The following PKNOX1 variants were observed in gnomAD, a reference collection of about 807,000 sequenced individuals.
The protein encoded by PKNOX1 is PBX/knotted 1 homeobox 1.
PKNOX1 carries 15 observed loss-of-function variants against 51.9 expected under a neutral mutation model. That is an observed-to-expected ratio of 0.29 (90% confidence interval 0.19 to 0.45). The LOEUF (loss-of-function observed/expected upper bound fraction) is 0.45. Ranked by LOEUF, PKNOX1 falls within the 20% of genes least tolerant of loss-of-function variation. The probability of loss-of-function intolerance (pLI) is 1.00; values close to 1 mark genes in which losing one functional copy is unlikely to be tolerated. For synonymous variants in PKNOX1, 219 were observed against 211.1 expected, an observed-to-expected ratio of 1.04 and a Z score of -0.32; for missense variants, 462 against 547.5, an observed-to-expected ratio of 0.84 and a Z score of 1.56.
At chr21:43,025,615 AG>A (rs1419393128) in intron 9 of PKNOX1, among the ~76,000 whole-genome samples, 2 of 152,174 alleles carry the variant, frequency 1.3e-5, no homozygotes, top group African/African-American at 4.8e-5. Flanking sequence ...GCGTGTTCCT[AG>A]GTGGCACTGA....
intron 10 of PKNOX1, among the ~76,000 whole-genome samples, 169 bp from the exon 11 acceptor site, chr21:43,029,721 G>A (rs1335812888): frequency 6.6e-6 from 1 of 152,098 alleles, no homozygotes; most frequent in South Asian, 2.1e-4. Context: ...ATGAGCTACC[G>A]CGCCCGGCCC....
intron 1 of PKNOX1, among the ~76,000 whole-genome samples, chr21:42,993,521 C>CT (rs34451305): frequency 0.041 from 5,824 of 142,282 alleles, 140 homozygotes; most frequent in Middle Eastern, 0.062. Context: ...AATTCTAAAA[C>CT]TTTTTTTTTT....
At position 42,989,006 on chromosome 21, in the gene PKNOX1, C is replaced by T. The variant is rs182593553; in HGVS notation, c.-57+14342C>T. Among the ~76,000 whole-genome samples, 147 of 151,408 alleles carry T rather than the reference C, an allele frequency of 9.7e-4. 2 individuals are homozygous for T. The highest frequency in any genetic ancestry group is 3.3e-3 in the African/African-American group (138 of 41,196). On this transcript the variant is annotated intron_variant, in intron 1 of 10. Transcript: ENST00000291547. Reference sequence around the variant, plus strand: ...TTGACTTCTCAGGCTGGGGACCCTGCGGGCTGGATGAGGACCCCCTCACTG... The same window carrying T: ...TTGACTTCTCAGGCTGGGGACCCTGTGGGCTGGATGAGGACCCCCTCACTG...
At chr21:42,980,239 G>A (rs1306065474) in intron 1 of PKNOX1, among the ~76,000 whole-genome samples, 1 of 152,094 alleles carries the variant, frequency 6.6e-6, no homozygotes, top group East Asian at 1.9e-4. Context: ...TGGGTGTGGT[G>A]GCAGGAGCCT....
Position 43,032,187 on chromosome 21 carries a change from C to T in PKNOX1, c.*2086C>T, listed in dbSNP as rs1015951107. ...GAATGACATCTTAAAGCCACCATTG[C>T]GTTCCTCATTTGTGAACTGTCTTCT... On this transcript the variant is annotated 3_prime_UTR_variant, in exon 11 of 11. Coordinates refer to ENST00000291547, the MANE Select transcript of PKNOX1 (RefSeq NM_004571.5). 11 of 456,016 alleles carry T rather than the reference C, an allele frequency of 2.4e-5. No homozygotes were observed. The highest frequency in any genetic ancestry group is 1.1e-4 in the South Asian group (7 of 64,562). The allele number at this position is 456,016 out of a possible 1,614,324, so 28.2% of individuals were successfully genotyped here. A position where few individuals can be genotyped will look rare whatever the true frequency, so the allele number is the denominator to read the frequency against.
chr21:43,011,420 C>T (rs1163475609), intron 4 of PKNOX1, among the ~76,000 whole-genome samples: 2 of 152,158 alleles, frequency 1.3e-5, no homozygotes, highest in Non-Finnish European at 2.9e-5. Flanking sequence ...CCCCCAGGGC[C>T]AGGGCTCCAA....
intron 1 of PKNOX1, among the ~76,000 whole-genome samples, chr21:42,976,381 C>T (rs1229866837): frequency 2.6e-5 from 4 of 152,168 alleles, no homozygotes; most frequent in African/African-American, 9.7e-5. Context: ...GCTGACTGAT[C>T]AGGGTGGTGG....
chr21:43,025,963 TA>T (rs531675132), intron 9 of PKNOX1, among the ~76,000 whole-genome samples: 67 of 152,232 alleles, frequency 4.4e-4, no homozygotes, highest in Non-Finnish European at 9.3e-4. Context: ...TATTTCCTGT[TA>T]AATCTTTTAA....
chr21:42,977,124 T>C (rs13050121), intron 1 of PKNOX1, among the ~76,000 whole-genome samples: 5,785 of 152,188 alleles, frequency 0.038, 140 homozygotes, highest in Middle Eastern at 0.061. Context: ...CAACAGTGGG[T>C]TTAAAATATT....
At chr21:42,982,731 C>CAAAA (rs10658050) in intron 1 of PKNOX1, among the ~76,000 whole-genome samples, 22 of 129,862 alleles carry the variant, frequency 1.7e-4, no homozygotes, top group African/African-American at 6.2e-4. Flanking sequence ...AACTCCATCT[C>CAAAA]AAAAAAAAAA....
chr21:42,988,721 C>G (rs142127742), intron 1 of PKNOX1, among the ~76,000 whole-genome samples: 54 of 152,232 alleles, frequency 3.5e-4, no homozygotes, highest in African/African-American at 1.2e-3. Flanking sequence ...TGCTGATCCC[C>G]CAGGCCACTG....
intron 1 of PKNOX1, among the ~76,000 whole-genome samples, chr21:42,980,138 C>T (rs929034183): frequency 4.6e-5 from 7 of 152,210 alleles, no homozygotes; most frequent in South Asian, 2.1e-4. Context: ...TTTGGGAGGC[C>T]GAGGTGGGTG....
rs1273197307 is a variant in PKNOX1, at chr21:43,030,060, A to G, written c.1270A>G (p.Ile424Val). ...TGCGGGTGCCCTGGCCCCTGCCCAC[A>G]TCAGCGGGCTGGTCTTGGAGAACAG... ...EDAGALAPAH[I>V]SGLVLENSDS... Residue 424 changes from isoleucine to valine, a missense_variant, in exon 11 of 11, where the codon ATC becomes GTC. By Grantham distance (29) the Ile-to-Val change is conservative. This residue lies in a region of PKNOX1 where 118 missense variants were observed against 116.8 expected (regional missense o/e 1.01). Transcript: ENST00000291547. 5 of 1,610,026 alleles carry G rather than the reference A, an allele frequency of 3.1e-6. No homozygotes were observed. The Admixed American group carries it at 8.3e-5, about 27-fold the overall frequency.
chr21:42,986,380 A>G (rs1328183751), intron 1 of PKNOX1, among the ~76,000 whole-genome samples: 1 of 152,128 alleles, frequency 6.6e-6, no homozygotes, highest in Non-Finnish European at 1.5e-5. Context: ...AGGTGCCTGT[A>G]ATCCCAGCTA....
At chr21:43,018,946 G>A (rs1039929959) in intron 7 of PKNOX1, among the ~76,000 whole-genome samples, 1 of 152,104 alleles carries the variant, frequency 6.6e-6, no homozygotes, top group Non-Finnish European at 1.5e-5. Context: ...TTAGCTGGGT[G>A]CAGTGGTGCA....
At chr21:43,005,992 G>T (rs546124949) in intron 2 of PKNOX1, among the ~76,000 whole-genome samples, 4 of 152,056 alleles carry the variant, frequency 2.6e-5, no homozygotes, top group Non-Finnish European at 4.4e-5. Flanking sequence ...TATCTACAGC[G>T]TAGACCTATC....
rs540784111 is a variant in PKNOX1 at position 42,975,284 on chromosome 21, G to A, written c.-57+620G>A. ...TCGGCCGTGGCGAGCGGGTGGGTCGGGGTCCTGGGGGCGGTGGGCGTGATG... is the reference window on the plus strand; with the variant it reads ...TCGGCCGTGGCGAGCGGGTGGGTCGAGGTCCTGGGGGCGGTGGGCGTGATG... On this transcript the variant is annotated intron_variant, in intron 1 of 10. Coordinates refer to ENST00000291547, the MANE Select transcript of PKNOX1 (RefSeq NM_004571.5). Among the ~76,000 whole-genome samples the A allele has an allele frequency of 1.3e-4, 20 of 151,218 alleles. No individual in the cohort carries two copies. The East Asian group carries it at 3.1e-3, about 24-fold the overall frequency.
At chr21:42,991,621 G>A (rs1404236362) in intron 1 of PKNOX1, among the ~76,000 whole-genome samples, 1 of 151,926 alleles carries the variant, frequency 6.6e-6, no homozygotes, top group Non-Finnish European at 1.5e-5. Context: ...CCAGCTACTC[G>A]GGAGGCTGCG....
rs201947360 is a variant in PKNOX1 at position 43,004,368 on chromosome 21, A to C, written c.-14A>C. ...CCCAAGATGATTTGATGTCTTATAA[A>C]ACTCTGATGAACCATGATGGCTACA... On this transcript the variant is annotated 5_prime_UTR_variant, in exon 2 of 11. Transcript: ENST00000291547. The C allele has an allele frequency of 6.3e-7, 1 of 1,584,030 alleles. No homozygotes were observed. Among genetic ancestry groups the C allele is most frequent in the Non-Finnish European group, 8.7e-7 (1 of 1,152,750 alleles).
Sources: gnomAD v4.1 joint callset for allele counts (sites outside exome capture counted in the v4.1 genomes callset) on GRCh38, gnomAD v4.1.1 for gene constraint, gnomAD v4.1.1 regional missense constraint, MANE v1.5 for transcripts, NCBI Gene and HGNC (gene_info 2026-07-23, HGNC 2026-07-21) for gene names.